NCKAP5: variants seen among roughly 807,000 people sequenced by gnomAD.
The protein encoded by NCKAP5 is NCK associated protein 5.
NCKAP5 carries 92 observed loss-of-function variants against 167.0 expected under a neutral mutation model. The ratio of observed to expected loss-of-function variants is 0.55; its 90% CI spans 0.47 to 0.66. The LOEUF is 0.66. Ranked by LOEUF, NCKAP5 falls within the 30% of genes least tolerant of loss-of-function variation. The pLI is 0.00. For missense variants in NCKAP5, 2,378 were observed against 2,315.0 expected, an observed-to-expected ratio of 1.03 and a Z score of -0.56; for synonymous variants, 891 against 877.4, an observed-to-expected ratio of 1.02 and a Z score of -0.27.
intron 16 of NCKAP5, among the ~76,000 whole-genome samples, chr2:132,752,699 C>T (rs1376629531): frequency 6.6e-6 from 1 of 152,154 alleles, no homozygotes; most frequent in Non-Finnish European, 1.5e-5. Context: ...TCCAGAGAAA[C>T]AGAACCAATA....
At chr2:132,896,294 T>C (rs1449715959) in intron 8 of NCKAP5, among the ~76,000 whole-genome samples, 3 of 152,208 alleles carry the variant, frequency 2.0e-5, no homozygotes, top group Admixed American at 6.5e-5. Context: ...GAACTAAAAG[T>C]GGGTGGATGA....
At chr2:132,756,042 G>A (rs1680528312) in intron 16 of NCKAP5, among the ~76,000 whole-genome samples, 1 of 152,120 alleles carries the variant, frequency 6.6e-6, no homozygotes, top group African/African-American at 2.4e-5. Flanking sequence ...GGCTCAAAGA[G>A]GTTCAGGAAC....
intron 6 of NCKAP5, among the ~76,000 whole-genome samples, chr2:133,125,477 G>T (rs2082374268): frequency 6.6e-6 from 1 of 152,170 alleles, no homozygotes; most frequent in Admixed American, 6.5e-5. Context: ...GGTTAGAGGA[G>T]TGGGGAGAGT....
At chr2:133,548,001 G>A (rs62177742) in intron 2 of NCKAP5, among the ~76,000 whole-genome samples, 5 of 146,692 alleles carry the variant, frequency 3.4e-5, no homozygotes, top group African/African-American at 5.1e-5. Flanking sequence ...AAGAATGTAT[G>A]ACTAGAATAA....
At chr2:132,772,725 T>C (rs1288766919) in intron 16 of NCKAP5, among the ~76,000 whole-genome samples, 1 of 152,244 alleles carries the variant, frequency 6.6e-6, no homozygotes, top group Non-Finnish European at 1.5e-5. Flanking sequence ...GTTAAGACTT[T>C]TGTGTTCCCA....
chr2:133,472,791 T>C (rs1679461706), intron 3 of NCKAP5, among the ~76,000 whole-genome samples: 1 of 152,122 alleles, frequency 6.6e-6, no homozygotes, highest in Non-Finnish European at 1.5e-5. Context: ...CCAGATCTGC[T>C]TGGTTAGCAA....
intron 3 of NCKAP5, among the ~76,000 whole-genome samples, chr2:133,351,151 C>T (rs1057314781): frequency 2.0e-5 from 3 of 151,978 alleles, no homozygotes; most frequent in East Asian, 1.9e-4. Context: ...TTATAGTTAT[C>T]GACTGAATGG....
the NCKAP5 span, among the ~76,000 whole-genome samples, chr2:133,601,774 A>T: frequency 1.2e-4 from 19 of 152,274 alleles, no homozygotes; most frequent in African/African-American, 4.6e-4. Flanking sequence ...ACCTTGAAGA[A>T]CTTTTTAAAG....
intron 3 of NCKAP5, among the ~76,000 whole-genome samples, chr2:133,447,489 C>G (rs1021855121): frequency 6.8e-6 from 1 of 147,646 alleles, no homozygotes; most frequent in African/African-American, 2.5e-5. Flanking sequence ...CTGCCTTTCC[C>G]CTTCTCTTCC....
chr2:133,331,329 A>C (rs755654142), intron 3 of NCKAP5, among the ~76,000 whole-genome samples: 1 of 152,200 alleles, frequency 6.6e-6, no homozygotes, highest in Admixed American at 6.5e-5. Context: ...TTAATGATTA[A>C]ACAACATGAT....
chr2:133,210,426 A>G (rs916885386), intron 5 of NCKAP5, among the ~76,000 whole-genome samples: 7 of 152,060 alleles, frequency 4.6e-5, no homozygotes, highest in Non-Finnish European at 1.0e-4. Context: ...AATTTCTTCT[A>G]TACCATTTTT....
intron 8 of NCKAP5, among the ~76,000 whole-genome samples, chr2:132,924,414 C>G (rs2149022292): frequency 6.6e-6 from 1 of 152,140 alleles, no homozygotes; most frequent in Admixed American, 6.5e-5. Flanking sequence ...TGCTCTAAAC[C>G]CAAAGATTAA....
At chr2:133,240,056 C>T (rs1323232381) in intron 4 of NCKAP5, among the ~76,000 whole-genome samples, 1 of 152,012 alleles carries the variant, frequency 6.6e-6, no homozygotes, top group Non-Finnish European at 1.5e-5. Context: ...GAAAGGAGAC[C>T]TCACCATCAC....
At chr2:133,632,418 G>A in the NCKAP5 span, among the ~76,000 whole-genome samples, 1 of 152,234 alleles carries the variant, frequency 6.6e-6, no homozygotes, top group Non-Finnish European at 1.5e-5. Context: ...TAATATTAAT[G>A]CAGGGGGAAA....
At chr2:132,718,622 TAGC>T (rs1689607806) in intron 19 of NCKAP5, among the ~76,000 whole-genome samples, 1 of 152,230 alleles carries the variant, frequency 6.6e-6, no homozygotes, top group Non-Finnish European at 1.5e-5. Flanking sequence ...CATTTTTCTC[TAGC>T]AGTGTCCTCA....
chr2:132,678,229 C>T (rs536737170), intron 19 of NCKAP5, among the ~76,000 whole-genome samples: 55 of 152,242 alleles, frequency 3.6e-4, no homozygotes, highest in African/African-American at 1.3e-3. Context: ...CAGCCAGAAA[C>T]TCCTGTTCAT....
intron 3 of NCKAP5, among the ~76,000 whole-genome samples, chr2:133,363,639 A>T (rs913425741): frequency 6.6e-6 from 1 of 152,170 alleles, no homozygotes; most frequent in African/African-American, 2.4e-5. Context: ...TACAGAGATA[A>T]GGCATGTCTT....
intron 3 of NCKAP5, among the ~76,000 whole-genome samples, chr2:133,387,029 C>G (rs1301885305): frequency 1.5e-4 from 23 of 152,194 alleles, no homozygotes; most frequent in Admixed American, 1.5e-3. Context: ...TTAATTGGAG[C>G]ATTTAGCCCA....
chr2:132,806,996 C>A (rs1002531209), intron 11 of NCKAP5, among the ~76,000 whole-genome samples: 1 of 152,164 alleles, frequency 6.6e-6, no homozygotes, highest in East Asian at 1.9e-4. Context: ...TATCCTAGCA[C>A]CATTTGTTGA....
Sources: allele counts gnomAD v4.1 joint callset (sites outside exome capture counted in the v4.1 genomes callset), GRCh38; gene constraint gnomAD v4.1.1; transcripts MANE v1.5; gene names NCBI Gene and HGNC (gene_info 2026-07-23, HGNC 2026-07-21).